The following TLE2 variants were observed in gnomAD, a reference collection of about 807,000 sequenced individuals.
TLE2 encodes the protein TLE family member 2, transcriptional corepressor.
In TLE2, 74 loss-of-function variants were observed where a neutral mutation model predicts 97.2. That is an observed-to-expected ratio of 0.76 (90% CI 0.63 to 0.92). The LOEUF is 0.92. TLE2 is among the 40% of genes least tolerant of loss of function. The pLI is 0.00. For missense variants in TLE2, 1,038 were observed against 1,008.7 expected, an observed-to-expected ratio of 1.03 and a Z score of -0.39; for synonymous variants, 499 against 432.1, an observed-to-expected ratio of 1.15 and a Z score of -1.92.
At chr19:3,033,699 C>T (rs1340103758), upstream of TLE2, among the ~76,000 whole-genome samples, 1 of 151,914 alleles carries the variant, frequency 6.6e-6, no homozygotes, top group African/African-American at 2.4e-5. Flanking sequence ...CCTCCCTCTG[C>T]GGGGCTCTCC....
In TLE2 at chr19:3,002,440, C is replaced by T. The variant is rs763599699; in HGVS notation, c.1960G>A (p.Val654Met). 7.4e-6 allele frequency: 12 copies of T among 1,611,818 alleles called. No homozygotes were observed. Among genetic ancestry groups the T allele is most frequent in the South Asian group, 1.1e-5 (1 of 90,808 alleles). ...GGCTTGCGGACGTGCAGGATCTCCA[C>T]GTTGCTACTCTCCATTCCGACCGCC... ...WLAVGMESSN[V>M]EILHVRKPEK... The change falls in exon 18 of 20, where the codon GTG becomes ATG. Residue 654 changes from valine to methionine, a missense_variant. Physicochemically the swap from Val to Met is conservative, Grantham distance 21. Coordinates refer to ENST00000262953, the MANE Select transcript of TLE2 (RefSeq NM_003260.5).
chr19:3,005,679 G>A (rs746375322), intron 16 of TLE2, 42 bp downstream of exon 16: 49 of 1,607,392 alleles, frequency 3.0e-5, no homozygotes, highest in Middle Eastern at 1.7e-4. Context: ...CACCGAGAGC[G>A]GCCGGGGGCT....
chr19:3,001,507 A>G (rs1259372022), intron 18 of TLE2, among the ~76,000 whole-genome samples: 1 of 151,962 alleles, frequency 6.6e-6, no homozygotes, highest in Non-Finnish European at 1.5e-5. Flanking sequence ...TTAAAAAGAG[A>G]TAGGGTCTCA....
chr19:3,039,215 T>C (rs1292799588), intron 1 of TLE2, among the ~76,000 whole-genome samples: 1 of 134,376 alleles, frequency 7.4e-6, no homozygotes, highest in Non-Finnish European at 1.6e-5. Flanking sequence ...ACTCTATCCT[T>C]TCCCCACTCC....
intron 1 of TLE2, among the ~76,000 whole-genome samples, chr19:3,037,907 A>G (rs996142490): frequency 3.3e-5 from 5 of 152,144 alleles, no homozygotes; most frequent in Admixed American, 3.3e-4. Context: ...GGATCACCTG[A>G]GGTCAGGAGT....
chr19:3,019,818 C>G lies in TLE2; in HGVS notation c.295-45G>C. 6.3e-7 allele frequency: 1 copy of G among 1,586,216 alleles called. No individual in the cohort carries two copies. The highest frequency in any genetic ancestry group is 8.6e-7 in the Non-Finnish European group (1 of 1,167,766). ...AGGTAGAGGGTACATTGAGCCCCTGCTCATGCTAGCGGTGCCCTTGGGGAC... is the reference window on the plus strand; with the variant it reads ...AGGTAGAGGGTACATTGAGCCCCTGGTCATGCTAGCGGTGCCCTTGGGGAC... On this transcript the variant is annotated intron_variant, in intron 5 of 19. Transcript: ENST00000262953. The surrounding 1 kb of genome is among the most constrained non-coding windows in gnomAD (Gnocchi z 5.1).
At chr19:3,002,596 T>C (rs1599194836) in intron 17 of TLE2, 93 bp from the exon 18 acceptor site, 2 of 1,462,122 alleles carry the variant, frequency 1.4e-6, no homozygotes, top group East Asian at 2.5e-5. Context: ...TGGAGTGCAG[T>C]GGCACAATCA....
intron 9 of TLE2, among the ~76,000 whole-genome samples, chr19:3,015,289 A>G (rs1296386704): frequency 1.3e-5 from 2 of 152,120 alleles, no homozygotes; most frequent in South Asian, 2.1e-4. Flanking sequence ...TGGCAATGAG[A>G]GGAGGTCCCA....
chr19:3,010,472 T>C (rs1326650261), intron 12 of TLE2, among the ~76,000 whole-genome samples: 1 of 151,962 alleles, frequency 6.6e-6, no homozygotes, highest in East Asian at 1.9e-4. Flanking sequence ...CCATCTTGGG[T>C]ACCTGCCTTG....
rs1017058664 is a variant in TLE2, at chr19:3,025,152, C to A, written c.232-70G>T. ...TGCAACCCAGCTCTGGACTCCCAGGCGGACCAGGTGTTGGCAAAGCCGAAG... is the reference window on the plus strand; with the variant it reads ...TGCAACCCAGCTCTGGACTCCCAGGAGGACCAGGTGTTGGCAAAGCCGAAG... On this transcript the variant is annotated intron_variant, in intron 4 of 19. Coordinates refer to ENST00000262953, the MANE Select transcript of TLE2 (RefSeq NM_003260.5). The A allele has an allele frequency of 1.4e-5, 21 of 1,449,160 alleles. No homozygotes were observed. The Admixed American group carries it at 3.6e-4, about 25-fold the overall frequency. The allele number at this position is 1,449,160 out of a possible 1,614,324, so 89.8% of individuals were successfully genotyped here.
At position 3,011,050 on chromosome 19, in the gene TLE2, G is replaced by C; in HGVS notation, c.984C>G (p.Ala328=). The change falls in exon 12 of 20, where the codon GCC becomes GCG. Residue 328 remains alanine (A), a synonymous_variant. Coordinates refer to ENST00000262953, the MANE Select transcript of TLE2 (RefSeq NM_003260.5). The part of the protein sequence containing the change: ...SSASHLCQLA[A]KPAPSTDSVA... ...CGCTGTCCGTGGAAGGTGCTGGCTT[G>C]GCAGCAAGCTGGCAGAGGTGACTGG... The C allele has an allele frequency of 6.2e-7, 1 of 1,606,334 alleles. No homozygotes were observed. The highest frequency in any genetic ancestry group is 8.5e-7 in the Non-Finnish European group (1 of 1,177,680).
intron 5 of TLE2, 27 bp downstream of exon 5, chr19:3,024,993 C>T (rs1167136847): frequency 1.3e-6 from 2 of 1,531,278 alleles, no homozygotes; most frequent in East Asian, 4.7e-5. Context: ...CCCTTCCCCT[C>T]CTCCCCCCAC....
upstream of TLE2, among the ~76,000 whole-genome samples, chr19:3,032,446 C>T (rs1393212628): frequency 2.0e-5 from 3 of 152,130 alleles, no homozygotes; most frequent in African/African-American, 7.2e-5. This position sits in a 1 kb window ranked among gnomAD's most constrained non-coding sequence, Gnocchi z 4.1. Context: ...CTATGTTGGC[C>T]AGGCTGGTCG....
intron 11 of TLE2, among the ~76,000 whole-genome samples, chr19:3,012,417 A>C (rs2089616331): frequency 6.6e-6 from 1 of 152,144 alleles, no homozygotes; most frequent in African/African-American, 2.4e-5. Context: ...AGGTCTCACT[A>C]TGTTGCCCAG....
chr19:3,005,744 G>T lies in TLE2; in HGVS notation c.1725C>A (p.Asp575Glu), dbSNP rs2089460364. Residue 575 changes from aspartate (D) to glutamate (E), a missense_variant, in exon 16 of 20, where the codon GAC (aspartate) becomes GAA (glutamate). Coordinates refer to ENST00000262953, the MANE Select transcript of TLE2 (RefSeq NM_003260.5). ...ACCTGACCATAGTCTGATTCTGCAG[G>T]TCCCAGACCACAATGTTGCCATCGC... is the stretch of plus-strand genomic sequence containing the variant. ...CCSDGNIVVW[D>E]LQNQTMVRQF... The T allele has an allele frequency of 6.2e-7, 1 of 1,613,740 alleles. No homozygotes were observed. Among genetic ancestry groups the T allele is most frequent in the African/African-American group, 1.3e-5 (1 of 74,920 alleles).
chr19:3,000,484 T>A (rs2145106479), intron 19 of TLE2, among the ~76,000 whole-genome samples, 163 bp downstream of exon 19: 1 of 152,080 alleles, frequency 6.6e-6, no homozygotes, highest in African/African-American at 2.4e-5. Flanking sequence ...AATTCCAACC[T>A]CTGCTTTAGT....
chr19:3,016,137 T>C (rs1568240783), intron 8 of TLE2, among the ~76,000 whole-genome samples: 1 of 151,790 alleles, frequency 6.6e-6, no homozygotes, highest in Non-Finnish European at 1.5e-5. Context: ...GGTTTCGCCA[T>C]GTTGGCCAGG....
chr19:3,018,585 G>A (rs887513996), intron 7 of TLE2, among the ~76,000 whole-genome samples: 3 of 151,508 alleles, frequency 2.0e-5, no homozygotes, highest in Non-Finnish European at 4.4e-5. Context: ...GAACCACCGT[G>A]CCTGGCTATC....
chr19:3,012,327 C>T (rs561287559), intron 11 of TLE2, among the ~76,000 whole-genome samples: 5 of 152,238 alleles, frequency 3.3e-5, no homozygotes, highest in South Asian at 2.1e-4. Context: ...GTGATCCTCC[C>T]GACTGAGCCT....
Sources: allele counts gnomAD v4.1 joint callset (sites outside exome capture counted in the v4.1 genomes callset), GRCh38; gene constraint gnomAD v4.1.1; non-coding constraint Gnocchi (gnomAD v3.1); transcripts MANE v1.5; gene names NCBI Gene and HGNC (gene_info 2026-07-23, HGNC 2026-07-21).